Variants in LRRC7 observed in about 807,000 individuals in gnomAD.
LRRC7 encodes the protein leucine-rich repeat-containing protein 7.
Under a neutral mutation model 175.7 loss-of-function variants are expected in LRRC7, and 23 were observed. The ratio of observed to expected loss-of-function variants is 0.13; its 90% CI spans 0.09 to 0.19. The LOEUF (loss-of-function observed/expected upper bound fraction) is 0.19. Ranked by LOEUF, LRRC7 falls within the 10% of genes least tolerant of loss-of-function variation. The pLI is 1.00. For synonymous variants in LRRC7, 685 were observed against 680.9 expected, an observed-to-expected ratio of 1.01 and a Z score of -0.09; for missense variants, 1,354 against 1,904.7, an observed-to-expected ratio of 0.71 and a Z score of 5.38.
chr1:69,616,120 A>C (rs1388717189), intron 1 of LRRC7, among the ~76,000 whole-genome samples: 3 of 152,120 alleles, frequency 2.0e-5, no homozygotes, highest in African/African-American at 7.2e-5. Context: ...GTATACAAGA[A>C]AGCACAATTC....
intron 1 of LRRC7, among the ~76,000 whole-genome samples, chr1:69,656,914 T>G (rs1035164171): frequency 2.6e-5 from 4 of 151,106 alleles, no homozygotes; most frequent in Admixed American, 6.6e-5. Flanking sequence ...AAGAAATAAC[T>G]ACCATAATCC....
intron 11 of LRRC7, among the ~76,000 whole-genome samples, chr1:70,010,868 A>T (rs1420644059): frequency 2.0e-5 from 3 of 152,120 alleles, no homozygotes; most frequent in Non-Finnish European, 4.4e-5. Context: ...CTTTCTGTAG[A>T]TCTGAAGTAA....
At chr1:69,636,411 A>G (rs1046850166) in intron 1 of LRRC7, among the ~76,000 whole-genome samples, 4 of 103,870 alleles carry the variant, frequency 3.9e-5, no homozygotes, top group Non-Finnish European at 5.9e-5. Flanking sequence ...AGAGGATTTT[A>G]CATCCAGGCA....
intron 1 of LRRC7, among the ~76,000 whole-genome samples, chr1:69,653,291 T>TAAA (rs60624696): frequency 6.6e-6 from 1 of 151,606 alleles, no homozygotes; most frequent in African/African-American, 2.4e-5. Context: ...AACTTTTTTT[T>TAAA]AATTTTTTTA....
Position 70,133,763 on chromosome 1 carries a change from TTTAA to T in LRRC7, c.*11880_*11883del, listed in dbSNP as rs1558095591. On this transcript the variant is annotated 3_prime_UTR_variant, in exon 27 of 27. Transcript: ENST00000651989. ...GTTTTGATGTTCCTTAATTGTTCAG[TTTAA>T]TTATTATACCCACCAGTTTAATAGT... 1.3e-5 allele frequency among the ~76,000 whole-genome samples: 2 copies of T among 152,214 alleles called. No individual in the cohort carries two copies. The highest frequency in any genetic ancestry group is 4.1e-4 in the South Asian group (2 of 4,832).
At chr1:69,653,081 T>C (rs1388550434) in intron 1 of LRRC7, among the ~76,000 whole-genome samples, 1 of 151,930 alleles carries the variant, frequency 6.6e-6, no homozygotes, top group Non-Finnish European at 1.5e-5. Context: ...TCAACAAAAG[T>C]AAGAATAGAC....
At chr1:69,858,222 C>T (rs1026721596) in intron 7 of LRRC7, among the ~76,000 whole-genome samples, 1 of 152,118 alleles carries the variant, frequency 6.6e-6, no homozygotes, top group Non-Finnish European at 1.5e-5. Flanking sequence ...ATGTCTAAAA[C>T]ACCAAAAGCA....
At position 70,123,239 on chromosome 1, in the gene LRRC7, A is replaced by G. The variant is rs1666297796; in HGVS notation, c.*1352A>G. 1 of 152,122 alleles carries G rather than the reference A, an allele frequency of 6.6e-6. No homozygotes were observed. 9.4% of individuals were successfully genotyped at this position (152,122 alleles called of 1,614,324 possible). A position where few individuals can be genotyped will look rare whatever the true frequency, so the allele number is the denominator to read the frequency against. On this transcript the variant is annotated 3_prime_UTR_variant, in exon 27 of 27. Transcript: ENST00000651989. ...TAATTTAATTACAATATTAATTTGAATTTCCAGGATAATTTCCCGGAGTTG... is the reference window on the plus strand; with the variant it reads ...TAATTTAATTACAATATTAATTTGAGTTTCCAGGATAATTTCCCGGAGTTG...
intron 11 of LRRC7, among the ~76,000 whole-genome samples, chr1:70,001,524 A>G (rs574142999): frequency 6.6e-6 from 1 of 152,334 alleles, no homozygotes; most frequent in South Asian, 2.1e-4. Context: ...CAAACGATTT[A>G]TGTTTTTAAT....
At chr1:69,787,042 C>T (rs1291960183) in intron 3 of LRRC7, among the ~76,000 whole-genome samples, 2 of 152,216 alleles carry the variant, frequency 1.3e-5, no homozygotes, top group African/African-American at 4.8e-5. Context: ...GGAGTACAGG[C>T]ACTGGGTAAA....
At position 70,141,405 on chromosome 1, in the gene LRRC7, T is replaced by C. The variant is rs955384700; in HGVS notation, c.*19518T>C. 3 of 152,112 alleles carry C rather than the reference T, an allele frequency of 2.0e-5. No individual in the cohort carries two copies. The highest frequency in any genetic ancestry group is 7.2e-5 in the African/African-American group (3 of 41,446). The allele number at this position is 152,112 out of a possible 1,614,324, so 9.4% of individuals were successfully genotyped here. A position where few individuals can be genotyped will look rare whatever the true frequency, so the allele number is the denominator to read the frequency against. On this transcript the variant is annotated 3_prime_UTR_variant, in exon 27 of 27. Coordinates refer to ENST00000651989, the MANE Select transcript of LRRC7 (RefSeq NM_001370785.2). ...TGTTTCTCTTAATAAAATGATATATTTTGTTTTGAACTTTGGAATTCCATT... is the reference window on the plus strand; with the variant it reads ...TGTTTCTCTTAATAAAATGATATATCTTGTTTTGAACTTTGGAATTCCATT...
chr1:69,821,787 C>T (rs887774379), intron 4 of LRRC7, among the ~76,000 whole-genome samples: 2 of 151,818 alleles, frequency 1.3e-5, no homozygotes, highest in Non-Finnish European at 1.5e-5. Flanking sequence ...CCCAGCTACT[C>T]GGGAGGCTGA....
chr1:69,763,852 G>A (rs1671308533), intron 3 of LRRC7, among the ~76,000 whole-genome samples: 2 of 151,934 alleles, frequency 1.3e-5, no homozygotes, highest in Non-Finnish European at 2.9e-5. Context: ...TGAGTAATAA[G>A]ATAGCCATTT....
chr1:70,095,974 T>TTTTTTTG (rs1180952945), intron 25 of LRRC7, among the ~76,000 whole-genome samples: 9 of 152,072 alleles, frequency 5.9e-5, no homozygotes, highest in Admixed American at 5.2e-4. Flanking sequence ...TTTTTTTGTT[T>TTTTTTTG]TTTTTTGTTT....
chr1:69,602,482 AT>A (rs767951355), intron 1 of LRRC7, among the ~76,000 whole-genome samples: 17 of 152,168 alleles, frequency 1.1e-4, no homozygotes, highest in Non-Finnish European at 2.1e-4. Context: ...ATAAAATAAC[AT>A]TTGGTAAAAA....
chr1:69,723,395 T>C (rs1666584186), intron 2 of LRRC7, among the ~76,000 whole-genome samples: 1 of 152,084 alleles, frequency 6.6e-6, no homozygotes, highest in Non-Finnish European at 1.5e-5. Flanking sequence ...AGAGAAAAAA[T>C]TGTCTCAAAA....
chr1:69,873,950 T>G (rs1272394453), intron 7 of LRRC7: 1 of 152,292 alleles, frequency 6.6e-6, no homozygotes, highest in Non-Finnish European at 1.5e-5. Flanking sequence ...AAAGTCATCC[T>G]AATGCAGTAA....
chr1:70,066,784 T>C (rs1662012004), intron 23 of LRRC7, among the ~76,000 whole-genome samples: 1 of 152,078 alleles, frequency 6.6e-6, no homozygotes, highest in Non-Finnish European at 1.5e-5. Flanking sequence ...TACTTGCATG[T>C]TCAATTTGTA....
At chr1:69,909,300 G>A (rs1646437700) in intron 7 of LRRC7, among the ~76,000 whole-genome samples, 1 of 152,038 alleles carries the variant, frequency 6.6e-6, no homozygotes, top group African/African-American at 2.4e-5. Context: ...GTGTGTATTT[G>A]GTCCTGTCAT....
Sources: gnomAD v4.1 joint callset for allele counts (sites outside exome capture counted in the v4.1 genomes callset) on GRCh38, gnomAD v4.1.1 for gene constraint, MANE v1.5 for transcripts, NCBI Gene and HGNC (gene_info 2026-07-23, HGNC 2026-07-21) for gene names.